SND1: variants seen among roughly 807,000 people sequenced by gnomAD.
SND1 encodes staphylococcal nuclease domain-containing protein 1.
SND1 carries 38 observed loss-of-function variants against 121.7 expected under a neutral mutation model. The ratio of observed to expected loss-of-function variants is 0.31; its 90% CI spans 0.24 to 0.41. SND1 has a LOEUF of 0.41. SND1 is among the 10% of genes least tolerant of loss of function. The probability of loss-of-function intolerance (pLI) is 1.00; values close to 1 mark genes in which losing one functional copy is unlikely to be tolerated. For synonymous variants in SND1, 401 were observed against 447.4 expected, an observed-to-expected ratio of 0.90 and a Z score of 1.31; for missense variants, 868 against 1,184.6, an observed-to-expected ratio of 0.73 and a Z score of 3.92.
intron 15 of SND1, among the ~76,000 whole-genome samples, chr7:127,951,243 GA>G (rs1384763426): frequency 1.3e-5 from 2 of 151,822 alleles, no homozygotes; most frequent in South Asian, 4.2e-4. Flanking sequence ...TAGCCTTAGG[GA>G]AAAAAAAGGA....
intron 2 of SND1, among the ~76,000 whole-genome samples, chr7:127,688,765 A>G (rs962606624): frequency 1.3e-5 from 2 of 151,854 alleles, no homozygotes; most frequent in Admixed American, 6.6e-5. Flanking sequence ...CTGGATTCCA[A>G]TTATTTGTTC....
chr7:128,028,671 G>T (rs1377133474), intron 16 of SND1: 4 of 1,599,778 alleles, frequency 2.5e-6, no homozygotes, highest in Admixed American at 1.7e-5. Flanking sequence ...TTTTTTGGGG[G>T]AGGGGAGTCA....
rs748262215 is a variant in SND1, at chr7:128,029,875, G to A, written c.1779+38819G>A. 1.2e-6 allele frequency: 2 copies of A among 1,613,390 alleles called. No individual in the cohort carries two copies. The highest frequency in any genetic ancestry group is 1.1e-5 in the South Asian group (1 of 91,086). On this transcript the variant is annotated intron_variant, in intron 16 of 23. Coordinates refer to ENST00000354725, the MANE Select transcript of SND1 (RefSeq NM_014390.4). This position sits in a 1 kb window ranked among gnomAD's most constrained non-coding sequence, Gnocchi z 4.2. ...CCGTCAAAAGCATTCCGCTCAATCA[G>A]GCTGACCTGTGAGTTCATGACCCAG...
intron 10 of SND1, among the ~76,000 whole-genome samples, chr7:127,743,513 CCTCT>C (rs1467978389): frequency 6.6e-6 from 1 of 152,130 alleles, no homozygotes; most frequent in African/African-American, 2.4e-5. Context: ...AGGTCACCAC[CCTCT>C]CTCTCCTTCT....
chr7:127,675,149 C>T (rs1019758762), intron 1 of SND1, among the ~76,000 whole-genome samples: 3 of 152,086 alleles, frequency 2.0e-5, no homozygotes, highest in Non-Finnish European at 2.9e-5. Flanking sequence ...TGCAGTGAGC[C>T]GAGATTGTGC....
At chr7:127,678,043 C>A (rs561095424) in intron 1 of SND1, among the ~76,000 whole-genome samples, 2 of 152,244 alleles carry the variant, frequency 1.3e-5, no homozygotes, top group African/African-American at 4.8e-5. Flanking sequence ...GATTTGGTCT[C>A]CAACACCTGT....
At chr7:127,912,144 G>T (rs1203362942) in intron 14 of SND1, among the ~76,000 whole-genome samples, 1 of 152,160 alleles carries the variant, frequency 6.6e-6, no homozygotes, top group East Asian at 1.9e-4. Flanking sequence ...ATATGACAAA[G>T]TGGTTCTGTG....
intron 10 of SND1, among the ~76,000 whole-genome samples, chr7:127,752,780 G>A (rs1317024860): frequency 6.6e-6 from 1 of 152,152 alleles, no homozygotes; most frequent in Non-Finnish European, 1.5e-5. Flanking sequence ...ATTTCATAAA[G>A]TTTTCACATC....
At chr7:128,077,763 C>T (rs1024871203) in intron 17 of SND1, among the ~76,000 whole-genome samples, 11 of 152,246 alleles carry the variant, frequency 7.2e-5, no homozygotes, top group African/African-American at 2.7e-4. Flanking sequence ...GGTTGGCTCT[C>T]CCAGCATTCC....
chr7:127,928,878 A>G (rs1219318216), intron 14 of SND1, among the ~76,000 whole-genome samples: 1 of 152,206 alleles, frequency 6.6e-6, no homozygotes, highest in Non-Finnish European at 1.5e-5. Context: ...GGCGTGAGCC[A>G]CTGCGCCTGG....
rs867727204 is a variant in SND1, at chr7:127,964,086, C to G, written c.1670-26861C>G. ...AGTGTCTGTTCATGTCCTTCGCCCA[C>G]TTTTTGATGGGGTTGTTTGTTTTTT... On this transcript the variant is annotated intron_variant, in intron 15 of 23. Transcript: ENST00000354725. 3.5e-3 allele frequency among the ~76,000 whole-genome samples: 520 copies of G among 150,102 alleles called. 1 individual carries two copies. The highest frequency in any genetic ancestry group is 0.028 in the Middle Eastern group (8 of 290).
At chr7:127,657,728 A>C (rs1795236087) in intron 1 of SND1, among the ~76,000 whole-genome samples, 1 of 151,942 alleles carries the variant, frequency 6.6e-6, no homozygotes, top group Non-Finnish European at 1.5e-5. Flanking sequence ...GAACTCCTGG[A>C]CTCAAGTGAC....
intron 17 of SND1, among the ~76,000 whole-genome samples, chr7:128,077,438 G>C (rs1331073141): frequency 6.6e-6 from 1 of 152,230 alleles, no homozygotes; most frequent in African/African-American, 2.4e-5. Flanking sequence ...CAGAACACAA[G>C]GAGCCCCAAA....
intron 21 of SND1, among the ~76,000 whole-genome samples, chr7:128,088,205 G>C (rs945617960): frequency 4.6e-5 from 7 of 151,114 alleles, no homozygotes; most frequent in African/African-American, 1.7e-4. Flanking sequence ...CCCAGCATAG[G>C]AGGCCAAGCA....
intron 10 of SND1, among the ~76,000 whole-genome samples, chr7:127,758,804 A>G (rs537043479): frequency 5.3e-5 from 8 of 152,260 alleles, no homozygotes; most frequent in African/African-American, 1.7e-4. Flanking sequence ...CTGTGATCTC[A>G]GCACTTTGGG....
intron 9 of SND1, among the ~76,000 whole-genome samples, chr7:127,713,114 T>C (rs575524625): frequency 3.4e-4 from 52 of 152,380 alleles, no homozygotes; most frequent in African/African-American, 1.2e-3. Context: ...GTAAATATTT[T>C]AGGCTTGGTG....
chr7:127,690,460 G>A (rs1795893554), intron 2 of SND1, among the ~76,000 whole-genome samples: 1 of 152,178 alleles, frequency 6.6e-6, no homozygotes, highest in Non-Finnish European at 1.5e-5. Flanking sequence ...GTGAGCACCT[G>A]CTGTCTTTTA....
chr7:127,662,890 CTTTTTTT>C (rs34629378), intron 1 of SND1, among the ~76,000 whole-genome samples: 2 of 122,522 alleles, frequency 1.6e-5, no homozygotes, highest in African/African-American at 6.0e-5. Flanking sequence ...CCTCTTTTAT[CTTTTTTT>C]TTTTTTTTTT....
intron 11 of SND1, among the ~76,000 whole-genome samples, chr7:127,828,807 C>G (rs1798688461): frequency 6.6e-6 from 1 of 152,164 alleles, no homozygotes; most frequent in African/African-American, 2.4e-5. Flanking sequence ...ATCTCCTGGG[C>G]TAAAAGACCC....
Sources: allele counts gnomAD v4.1 joint callset (sites outside exome capture counted in the v4.1 genomes callset), GRCh38; gene constraint gnomAD v4.1.1; non-coding constraint Gnocchi (gnomAD v3.1); transcripts MANE v1.5; gene names NCBI Gene and HGNC (gene_info 2026-07-23, HGNC 2026-07-21).